RHCG: variants seen among roughly 807,000 people sequenced by gnomAD.
RHCG encodes ammonium transporter Rh type C.
RHCG carries 39 observed loss-of-function variants against 55.3 expected under a neutral mutation model. The ratio of observed to expected loss-of-function variants is 0.70; its 90% confidence interval spans 0.55 to 0.92. The LOEUF (loss-of-function observed/expected upper bound fraction) is 0.92. Among genes scored for constraint, RHCG ranks in the 40% least tolerant of loss-of-function variants. RHCG has a pLI of 0.00. For missense variants in RHCG, 635 were observed against 627.9 expected, an observed-to-expected ratio of 1.01 and a Z score of -0.12; for synonymous variants, 250 against 246.8, an observed-to-expected ratio of 1.01 and a Z score of -0.12.
intron 1 of RHCG, among the ~76,000 whole-genome samples, chr15:89,492,295 C>G (rs1324325442): frequency 6.6e-6 from 1 of 152,216 alleles, no homozygotes; most frequent in Non-Finnish European, 1.5e-5. Flanking sequence ...AGTCCCCCAC[C>G]AGGCTGGCTG....
chr15:89,483,254 T>A (rs4932134), intron 2 of RHCG, 37 bp from the exon 3 acceptor site: 2 of 1,468,228 alleles, frequency 1.4e-6, no homozygotes, highest in Admixed American at 2.0e-5. Context: ...GCTGGGGCAA[T>A]AGCAAAAAGT....
At chr15:89,489,627 C>T (rs1961437407) in intron 1 of RHCG, among the ~76,000 whole-genome samples, 1 of 152,170 alleles carries the variant, frequency 6.6e-6, no homozygotes, top group Admixed American at 6.6e-5. Flanking sequence ...TCTTCACCTC[C>T]CCCGGTGCTC....
chr15:89,478,125 C>A (rs1961191977), intron 5 of RHCG, 151 bp from the exon 6 acceptor site: 14 of 980,066 alleles, frequency 1.4e-5, no homozygotes, highest in Non-Finnish European at 2.0e-5. Context: ...CAGGAGCCTG[C>A]AGAGGACTTC....
rs1961171998 is a variant in RHCG, at chr15:89,477,412, A to G, written c.1112+105T>C. On this transcript the variant is annotated intron_variant, in intron 7 of 10. Transcript: ENST00000268122. This position sits in a 1 kb window ranked among gnomAD's most constrained non-coding sequence, Gnocchi z 4.5. ...ATGAAACAATTGGTCCAGAGTGGGG[A>G]AGGAAAGGGAGAAAGATGCAGTCGG... The G allele has an allele frequency of 6.7e-7, 1 of 1,501,204 alleles. No homozygotes were observed. Among genetic ancestry groups the G allele is most frequent in the African/African-American group, 1.4e-5 (1 of 72,500 alleles). The allele number at this position is 1,501,204 out of a possible 1,614,324, so 93.0% of individuals were successfully genotyped here. A position where few individuals can be genotyped will look rare whatever the true frequency, so the allele number is the denominator to read the frequency against.
At position 89,479,417 on chromosome 15, in the gene RHCG, G is replaced by A. The variant is rs759869512; in HGVS notation, c.742C>T (p.Arg248Ter). ...GAGCAGTAGGTGTTGATGGCGGCTC[G>A]GTGCTGGCTGTCCCCATGGTAGGAT... is the stretch of plus-strand genomic sequence containing the variant. ...AISYHGDSQHRAAINTYCSLA... is the reference protein window; with the variant it reads ...AISYHGDSQH The change falls in exon 5 of 11, where the codon CGA becomes TGA. Residue 248 changes from arginine (R) to a stop codon, truncating the protein, a stop_gained. Coordinates refer to ENST00000268122, the MANE Select transcript of RHCG (RefSeq NM_016321.3). LOFTEE classifies it high-confidence loss of function. 26 of 1,614,016 alleles carry A rather than the reference G, an allele frequency of 1.6e-5. No individual in the cohort carries two copies. The highest frequency in any genetic ancestry group is 6.6e-5 in the South Asian group (6 of 91,076).
At chr15:89,491,463 A>G (rs1056876534) in intron 1 of RHCG, among the ~76,000 whole-genome samples, 65 of 152,292 alleles carry the variant, frequency 4.3e-4, no homozygotes, top group African/African-American at 1.5e-3. Context: ...ATAAAGTATG[A>G]TGCTACCTAA....
intron 1 of RHCG, among the ~76,000 whole-genome samples, chr15:89,492,284 G>A (rs1256577248): frequency 1.3e-5 from 2 of 152,034 alleles, no homozygotes; most frequent in East Asian, 1.9e-4. Context: ...CTCTGTAGAC[G>A]AGTCCCCCAC....
chr15:89,477,400 T>A lies in RHCG; in HGVS notation c.1112+117A>T, dbSNP rs141677354. ...GGAGAGAGACCCATGAAACAATTGG[T>A]CCAGAGTGGGGAAGGAAAGGGAGAA... On this transcript the variant is annotated intron_variant, in intron 7 of 10. Transcript: ENST00000268122. This position sits in a 1 kb window ranked among gnomAD's most constrained non-coding sequence, Gnocchi z 4.5. The A allele has an allele frequency of 3.2e-4, 476 of 1,468,264 alleles. 2 individuals carry two copies. The African/African-American group carries it at 5.7e-3, about 17-fold the overall frequency. 91.0% of individuals were successfully genotyped at this position (1,468,264 alleles called of 1,614,324 possible).
At chr15:89,474,115 TTGGGTGAATAATACAA>T (rs745577936) in intron 9 of RHCG, among the ~76,000 whole-genome samples, 79 of 152,314 alleles carry the variant, frequency 5.2e-4, no homozygotes, top group Non-Finnish European at 7.2e-4. Context: ...GGATACTAAA[TTGGGTGAATAATACAA>T]TTTCAACCGT....
chr15:89,495,609 C>T (rs1961551796), intron 1 of RHCG, among the ~76,000 whole-genome samples: 1 of 152,176 alleles, frequency 6.6e-6, no homozygotes, highest in African/African-American at 2.4e-5. Flanking sequence ...GTTTGGTGCT[C>T]TTGTAGCAAT....
rs772886641 is a variant in RHCG at position 89,477,794 on chromosome 15, C to T, written c.975+43G>A. The T allele has an allele frequency of 2.5e-6, 4 of 1,612,170 alleles. No individual in the cohort carries two copies. In the South Asian group the frequency reaches 4.4e-5, roughly 18 times the overall value. ...AGCTCACTGTCAGGAACACAAAGAC[C>T]TCAGCATTCTCTAGCCCCCAGCCCC... is the stretch of plus-strand genomic sequence containing the variant. On this transcript the variant is annotated intron_variant, in intron 6 of 10. Transcript: ENST00000268122. The surrounding 1 kb of genome is among the most constrained non-coding windows in gnomAD (Gnocchi z 4.5).
Position 89,476,957 on chromosome 15 carries a change from C to T in RHCG, c.1237+125G>A, listed in dbSNP as rs10520683. On this transcript the variant is annotated intron_variant, in intron 8 of 10. Coordinates refer to ENST00000268122, the MANE Select transcript of RHCG (RefSeq NM_016321.3). ...GTTCCAAATTGTCCCAGTCCTGTAG[C>T]CAGAAGTGCAGAGATCAGGGATTCC... The T allele has an allele frequency of 0.018, 28,257 of 1,546,554 alleles. 4,131 individuals are homozygous for T. In the African/African-American group the frequency reaches 0.32, roughly 18 times the overall value.
intron 1 of RHCG, among the ~76,000 whole-genome samples, chr15:89,491,938 A>G (rs188587949): frequency 2.2e-4 from 34 of 152,352 alleles, no homozygotes; most frequent in Middle Eastern, 3.4e-3. Flanking sequence ...TTTGTAGCAC[A>G]CATGTAATGG....
intron 1 of RHCG, among the ~76,000 whole-genome samples, chr15:89,493,389 C>T (rs1402462015): frequency 4.6e-5 from 7 of 152,224 alleles, no homozygotes; most frequent in South Asian, 4.1e-4. Flanking sequence ...GCACTGCCAA[C>T]GTGAGTCCCC....
At chr15:89,496,311 G>A (rs1432556330) in intron 1 of RHCG, 50 bp downstream of exon 1, 2 of 1,599,440 alleles carry the variant, frequency 1.3e-6, no homozygotes. Flanking sequence ...TGGCCAGGTG[G>A]GGACCGGCGC....
intron 3 of RHCG, among the ~76,000 whole-genome samples, chr15:89,481,944 G>C (rs543185759): frequency 6.6e-6 from 1 of 152,268 alleles, no homozygotes; most frequent in Non-Finnish European, 1.5e-5. Context: ...TGGGATTACA[G>C]GCATGCGCCA....
intron 2 of RHCG, among the ~76,000 whole-genome samples, chr15:89,483,569 C>T (rs1961307775): frequency 6.6e-6 from 1 of 152,158 alleles, no homozygotes; most frequent in Non-Finnish European, 1.5e-5. Flanking sequence ...CTTCTACCTG[C>T]TTTTCCAGAA....
At position 89,496,554 on chromosome 15, in the gene RHCG, G is replaced by A. The variant is rs573629911; in HGVS notation, c.-10C>T. ...TGGTGTTCCAGGCCATGCTGCAGGG[G>A]TGCCTGGCCGGGCTGGCAGCGGGCG... On this transcript the variant is annotated 5_prime_UTR_variant, in exon 1 of 11. Transcript: ENST00000268122. 1.2e-6 allele frequency: 2 copies of A among 1,603,294 alleles called. No individual in the cohort carries two copies. Among genetic ancestry groups the A allele is most frequent in the Non-Finnish European group, 1.7e-6 (2 of 1,174,528 alleles).
At chr15:89,491,786 A>G (rs1316883307) in intron 1 of RHCG, among the ~76,000 whole-genome samples, 1 of 152,090 alleles carries the variant, frequency 6.6e-6, no homozygotes, top group Non-Finnish European at 1.5e-5. Context: ...AAAATTAAAA[A>G]AAAAAAGATT....
Sources: gnomAD v4.1 joint callset for allele counts (sites outside exome capture counted in the v4.1 genomes callset) on GRCh38, gnomAD v4.1.1 for gene constraint, Gnocchi (gnomAD v3.1) non-coding constraint, MANE v1.5 for transcripts, NCBI Gene and HGNC (gene_info 2026-07-23, HGNC 2026-07-21) for gene names.